The following SKI variants were observed in gnomAD, a reference collection of about 807,000 sequenced individuals.
SKI encodes the protein SKI proto-oncogene.
SKI carries 23 observed loss-of-function variants against 59.3 expected under a neutral mutation model. The ratio of observed to expected loss-of-function variants is 0.39; its 90% CI spans 0.28 to 0.55. SKI has a LOEUF of 0.55. SKI is among the 20% of genes least tolerant of loss of function. The probability of loss-of-function intolerance (pLI) is 0.67; values close to 1 mark genes in which losing one functional copy is unlikely to be tolerated. For synonymous variants in SKI, 673 were observed against 488.6 expected (o/e 1.38, Z -4.98); for missense variants, 1,017 against 1,038.9 (o/e 0.98, Z 0.29).
chr1:2,278,568 C>T (rs1388485757), intron 1 of SKI, among the ~76,000 whole-genome samples: 2 of 152,118 alleles, frequency 1.3e-5, no homozygotes, highest in Admixed American at 1.3e-4. Flanking sequence ...AGGTAGAGCC[C>T]GGCAGATTCA....
At chr1:2,243,835 C>G (rs993048355) in intron 1 of SKI, among the ~76,000 whole-genome samples, 9 of 152,152 alleles carry the variant, frequency 5.9e-5, no homozygotes. Context: ...CTATAGATTG[C>G]TTTTGTATGT....
chr1:2,292,190 C>T (rs1640176078), intron 1 of SKI, among the ~76,000 whole-genome samples: 2 of 152,196 alleles, frequency 1.3e-5, no homozygotes, highest in Admixed American at 6.5e-5. Context: ...TGCCAGTCCC[C>T]GGAGAGGAGT....
At chr1:2,244,693 T>G (rs1638954164) in intron 1 of SKI, among the ~76,000 whole-genome samples, 1 of 152,206 alleles carries the variant, frequency 6.6e-6, no homozygotes, top group South Asian at 2.1e-4. Flanking sequence ...GGGTTGATTG[T>G]TTTGTTATTT....
chr1:2,296,964 C>T (rs1353468926), intron 1 of SKI, among the ~76,000 whole-genome samples: 1 of 152,112 alleles, frequency 6.6e-6, no homozygotes, highest in Non-Finnish European at 1.5e-5. Flanking sequence ...CCGTGCTGTT[C>T]CCACAAGGCC....
At chr1:2,304,635 C>T in intron 5 of SKI, 50 bp downstream of exon 5, 1 of 1,504,766 alleles carries the variant, frequency 6.6e-7, no homozygotes, top group Non-Finnish European at 8.9e-7. Context: ...GCAGTGAGCA[C>T]AGCCTGCACC....
At chr1:2,277,674 A>T (rs143512592) in intron 1 of SKI, among the ~76,000 whole-genome samples, 14 of 151,982 alleles carry the variant, frequency 9.2e-5, no homozygotes, top group Non-Finnish European at 2.1e-4. Context: ...ACCTGCACTC[A>T]CACATTCATC....
intron 1 of SKI, among the ~76,000 whole-genome samples, chr1:2,230,879 CAG>C (rs549520163): frequency 1.1e-4 from 16 of 152,260 alleles, no homozygotes; most frequent in Non-Finnish European, 2.1e-4. Flanking sequence ...GCCCCTCCAG[CAG>C]AGTGTCAGAT....
chr1:2,241,427 C>G (rs1339467253), intron 1 of SKI, among the ~76,000 whole-genome samples: 1 of 152,116 alleles, frequency 6.6e-6, no homozygotes, highest in Admixed American at 6.5e-5. Flanking sequence ...GAGTCCTGCT[C>G]TGTCGCCCAG....
intron 1 of SKI, among the ~76,000 whole-genome samples, chr1:2,240,166 T>C (rs1638836543): frequency 6.6e-6 from 1 of 152,092 alleles, no homozygotes; most frequent in African/African-American, 2.4e-5. Flanking sequence ...CCCCGCAGGG[T>C]GGCCCCCACC....
intron 1 of SKI, among the ~76,000 whole-genome samples, chr1:2,246,836 A>C (rs1283215732): frequency 7.1e-6 from 1 of 140,714 alleles, no homozygotes; most frequent in Non-Finnish European, 1.5e-5. Flanking sequence ...CTGTAGCAGC[A>C]GCAAAGAGGA....
chr1:2,306,655 G>A lies in SKI; in HGVS notation c.2077G>A (p.Glu693Lys). The change falls in exon 7 of 7, where the codon GAG (glutamate) becomes AAG (lysine). Residue 693 changes from glutamate to lysine, a missense_variant. Transcript: ENST00000378536. ...GCGGGCCGACCTGCTGCGGGAGCGC[G>A]AGGCCCGGGAGCACCTGGAGAAGGT... ...QLRADLLRER[E>K]AREHLEKVVK... The A allele has an allele frequency of 1.3e-6, 2 of 1,544,834 alleles. No homozygotes were observed. Among genetic ancestry groups the A allele is most frequent in the Middle Eastern group, 1.9e-4 (1 of 5,324 alleles).
At chr1:2,287,398 G>A (rs1311467977) in intron 1 of SKI, among the ~76,000 whole-genome samples, 12 of 150,218 alleles carry the variant, frequency 8.0e-5, no homozygotes, top group Admixed American at 6.0e-4. Context: ...GGGCAGTGGC[G>A]CGATCTCGGC....
At chr1:2,289,179 C>T (rs753051044) in intron 1 of SKI, among the ~76,000 whole-genome samples, 2 of 152,188 alleles carry the variant, frequency 1.3e-5, no homozygotes, top group South Asian at 2.1e-4. Flanking sequence ...AAGGCAGAGG[C>T]TAGAGATGCA....
chr1:2,258,687 T>C (rs536943974), intron 1 of SKI, among the ~76,000 whole-genome samples: 13 of 152,236 alleles, frequency 8.5e-5, no homozygotes, highest in African/African-American at 3.1e-4. Context: ...CCTGAGTAGC[T>C]GGGATTATAG....
intron 1 of SKI, among the ~76,000 whole-genome samples, chr1:2,279,338 C>T (rs1639818625): frequency 6.6e-6 from 1 of 152,146 alleles, no homozygotes. Context: ...CGGTGGGCGT[C>T]CTTTCCAGCC....
chr1:2,305,589 C>A (rs1640552090), intron 5 of SKI, among the ~76,000 whole-genome samples: 1 of 152,132 alleles, frequency 6.6e-6, no homozygotes, highest in East Asian at 1.9e-4. Context: ...AGTGGGGGGG[C>A]TTGCGGAGGC....
intron 1 of SKI, among the ~76,000 whole-genome samples, chr1:2,249,534 CG>C (rs1451149389): frequency 6.6e-6 from 1 of 152,194 alleles, no homozygotes; most frequent in African/African-American, 2.4e-5. Context: ...GGGCTGAAAC[CG>C]ACCCCAGGTG....
rs139034124 is a variant in SKI at position 2,303,936 on chromosome 1, C to T, written c.1308C>T (p.Ala436=). ...QQKVVSSPPC[A]AAVSRAPEPL... ...AGGTTGTGAGCAGCCCTCCGTGTGC[C>T]GCCGCCGTCTCCCGGGCCCCCGAGC... The change falls in exon 4 of 7, where the codon GCC becomes GCT. Residue 436 remains alanine (A), a synonymous_variant. Transcript: ENST00000378536. The surrounding 1 kb of genome is among the most constrained non-coding windows in gnomAD (Gnocchi z 5.6). The T allele has an allele frequency of 1.2e-4, 195 of 1,611,782 alleles. No individual in the cohort carries two copies. In the African/African-American group the frequency reaches 2.1e-3, roughly 18 times the overall value.
Position 2,304,592 on chromosome 1 carries a change from G to T in SKI, c.1767+7G>T. 6.5e-7 allele frequency: 1 copy of T among 1,545,322 alleles called. No homozygotes were observed. Among genetic ancestry groups the T allele is most frequent in the Non-Finnish European group, 8.7e-7 (1 of 1,144,048 alleles). On this transcript the variant is annotated splice_region_variant and intron_variant, in intron 5 of 6. Coordinates refer to ENST00000378536, the MANE Select transcript of SKI (RefSeq NM_003036.4). ...CAAGCGCAGCCTCCACCAGGTGAGC[G>T]GGGCGAGTGGTGCTGGGAGGTCCAG...
Sources: gnomAD v4.1 joint callset for allele counts (sites outside exome capture counted in the v4.1 genomes callset) on GRCh38, gnomAD v4.1.1 for gene constraint, Gnocchi (gnomAD v3.1) non-coding constraint, MANE v1.5 for transcripts, NCBI Gene and HGNC (gene_info 2026-07-23, HGNC 2026-07-21) for gene names.